The following TTC17 variants were observed in gnomAD, a reference collection of about 807,000 sequenced individuals.
The protein encoded by TTC17 is tetratricopeptide repeat domain 17.
Under a neutral mutation model 143.8 loss-of-function variants are expected in TTC17, and 58 were observed. The ratio of observed to expected loss-of-function variants is 0.40; its 90% CI spans 0.33 to 0.50. TTC17 has a LOEUF of 0.50. Among genes scored for constraint, TTC17 ranks in the 20% least tolerant of loss-of-function variants. The pLI, the probability that TTC17 is intolerant of heterozygous loss-of-function variation, is 0.49. For missense variants in TTC17, 1,273 were observed against 1,392.5 expected (o/e 0.91, Z 1.37); for synonymous variants, 501 against 497.8 (o/e 1.01, Z -0.09).
intron 10 of TTC17, 50 bp downstream of exon 10, chr11:43,401,608 A>AT (rs1857860358): frequency 7.6e-7 from 1 of 1,322,624 alleles, no homozygotes; most frequent in Non-Finnish European, 1.0e-6. Flanking sequence ...CTTTATAAAG[A>AT]TTTTTTAAAA....
chr11:43,413,123 A>G (rs377459338), intron 15 of TTC17, among the ~76,000 whole-genome samples: 61 of 152,296 alleles, frequency 4.0e-4, no homozygotes, highest in African/African-American at 1.3e-3. Flanking sequence ...GTATTGGTAC[A>G]AAGATACTCA....
chr11:43,417,430 C>T (rs573834477), intron 16 of TTC17, among the ~76,000 whole-genome samples: 1 of 152,258 alleles, frequency 6.6e-6, no homozygotes, highest in South Asian at 2.1e-4. Context: ...ACATCTGTTT[C>T]AAGTATTTAT....
chr11:43,373,918 T>TA (rs1001045020), intron 1 of TTC17, among the ~76,000 whole-genome samples: 1 of 152,246 alleles, frequency 6.6e-6, no homozygotes, highest in Non-Finnish European at 1.5e-5. Context: ...GCCATACAGT[T>TA]AGTCATAGAC....
intron 21 of TTC17, among the ~76,000 whole-genome samples, chr11:43,459,265 A>G (rs146259500): frequency 2.2e-4 from 33 of 152,328 alleles, no homozygotes; most frequent in Non-Finnish European, 4.0e-4. Flanking sequence ...CCATCTGCCT[A>G]TATGTCACCA....
chr11:43,454,295 C>CA (rs1947720781), intron 21 of TTC17, among the ~76,000 whole-genome samples: 1 of 151,404 alleles, frequency 6.6e-6, no homozygotes, highest in African/African-American at 2.4e-5. Flanking sequence ...GAATATAGCC[C>CA]AAAAAAAGTA....
intron 6 of TTC17, 76 bp from the exon 7 acceptor site, chr11:43,397,271 C>G: frequency 6.7e-7 from 1 of 1,499,740 alleles, no homozygotes; most frequent in Non-Finnish European, 9.0e-7. Flanking sequence ...GTTTCCTAAG[C>G]ACAAGTAACT....
chr11:43,450,841 C>T (rs1947643580), intron 20 of TTC17, among the ~76,000 whole-genome samples: 1 of 152,072 alleles, frequency 6.6e-6, no homozygotes, highest in African/African-American at 2.4e-5. Flanking sequence ...ATCTGAAAGA[C>T]ATATAAAGGT....
chr11:43,450,461 T>G (rs1367464294), intron 20 of TTC17, among the ~76,000 whole-genome samples: 1 of 152,240 alleles, frequency 6.6e-6, no homozygotes, highest in Non-Finnish European at 1.5e-5. Flanking sequence ...ATTTTAATTC[T>G]GATTTACCCC....
chr11:43,429,194 C>T (rs117917363), intron 16 of TTC17, among the ~76,000 whole-genome samples: 1 of 152,242 alleles, frequency 6.6e-6, no homozygotes, highest in East Asian at 1.9e-4. Flanking sequence ...ACGACGTTTC[C>T]CAAGAATCCT....
chr11:43,401,299 ATATTTCTC>A (rs1274705211), intron 9 of TTC17, 139 bp from the exon 10 acceptor site: 1 of 529,532 alleles, frequency 1.9e-6, no homozygotes, highest in Non-Finnish European at 3.4e-6. Context: ...CCATTAATGA[ATATTTCTC>A]TATATAAGTA....
At chr11:43,371,935 G>A (rs561474403) in intron 1 of TTC17, among the ~76,000 whole-genome samples, 98 of 152,252 alleles carry the variant, frequency 6.4e-4, no homozygotes, top group Non-Finnish European at 1.3e-3. Flanking sequence ...ATGGCCTGAC[G>A]CAGCAGCTCA....
intron 15 of TTC17, 115 bp from the exon 16 acceptor site, chr11:43,414,475 C>A: frequency 9.8e-7 from 1 of 1,020,410 alleles, no homozygotes. Context: ...GGATAGTTAG[C>A]AATAACGTTT....
chr11:43,396,598 C>G lies in TTC17; in HGVS notation c.664-111C>G, dbSNP rs1857601680. On this transcript the variant is annotated intron_variant, in intron 5 of 23. Coordinates refer to ENST00000039989, the MANE Select transcript of TTC17 (RefSeq NM_018259.6). ...TCATTGCTTATCATTCAGTCTGGCT[C>G]TTCTTCATCTTGAATTTCAGAAGAG... 3 of 538,888 alleles carry G rather than the reference C, an allele frequency of 5.6e-6. No homozygotes were observed. In the South Asian group the frequency reaches 1.0e-4, roughly 18 times the overall value. 33.4% of individuals were successfully genotyped at this position (538,888 alleles called of 1,614,324 possible).
At chr11:43,455,554 A>G (rs370464424) in intron 21 of TTC17, among the ~76,000 whole-genome samples, 1 of 152,258 alleles carries the variant, frequency 6.6e-6, no homozygotes, top group East Asian at 1.9e-4. Context: ...GAATCAGACT[A>G]CTTTAACCAA....
At chr11:43,420,953 A>G (rs1946888956) in intron 16 of TTC17, among the ~76,000 whole-genome samples, 1 of 152,204 alleles carries the variant, frequency 6.6e-6, no homozygotes, top group Non-Finnish European at 1.5e-5. Flanking sequence ...TCTTTCAACC[A>G]AAGAAAACTG....
intron 21 of TTC17, among the ~76,000 whole-genome samples, chr11:43,488,441 T>G (rs1948416225): frequency 3.3e-5 from 5 of 151,070 alleles, no homozygotes; most frequent in Admixed American, 3.3e-4. Flanking sequence ...AATTCAAAAT[T>G]CAACCTAAAT....
intron 1 of TTC17, among the ~76,000 whole-genome samples, chr11:43,375,615 T>C (rs1453244823): frequency 1.3e-5 from 2 of 152,116 alleles, no homozygotes; most frequent in Admixed American, 1.3e-4. Flanking sequence ...GTTTCCCATA[T>C]TGCTTTCGTG....
At chr11:43,485,883 GTTTTTTTTTTTTTTT>G (rs751026290) in intron 21 of TTC17, among the ~76,000 whole-genome samples, 1 of 112,618 alleles carries the variant, frequency 8.9e-6, no homozygotes, top group Non-Finnish European at 1.8e-5. Flanking sequence ...TTGGTTTTTT[GTTTTTTTTTTTTTTT>G]TTTTTGAACA....
rs146226669 is a variant in TTC17, at chr11:43,481,727, T to C, written c.3031-8512T>C. On this transcript the variant is annotated intron_variant, in intron 21 of 23. Coordinates refer to ENST00000039989, the MANE Select transcript of TTC17 (RefSeq NM_018259.6). Reference sequence around the variant, plus strand: ...GGATCTGTAGTAATGGACCCTCTCTTAATCCTGATATTGGTACTTTGTATC... The same window carrying C: ...GGATCTGTAGTAATGGACCCTCTCTCAATCCTGATATTGGTACTTTGTATC... Among the ~76,000 whole-genome samples, 148 of 152,308 alleles carry C rather than the reference T, an allele frequency of 9.7e-4. 1 individual carries two copies. Among genetic ancestry groups the C allele is most frequent in the African/African-American group, 3.4e-3 (143 of 41,580 alleles).
Sources: gnomAD v4.1 joint callset for allele counts (sites outside exome capture counted in the v4.1 genomes callset) on GRCh38, gnomAD v4.1.1 for gene constraint, MANE v1.5 for transcripts, NCBI Gene and HGNC (gene_info 2026-07-23, HGNC 2026-07-21) for gene names.